DLG2: variants seen among roughly 807,000 people sequenced by gnomAD.
DLG2 encodes discs large MAGUK scaffold protein 2, also known as disks large homolog 2.
Under a neutral mutation model 132.5 loss-of-function variants are expected in DLG2, and 45 were observed. That is an observed-to-expected ratio of 0.34 (90% CI 0.27 to 0.44). The LOEUF (loss-of-function observed/expected upper bound fraction) is 0.44. Among genes scored for constraint, DLG2 ranks in the 20% least tolerant of loss-of-function variants. DLG2 has a pLI of 1.00. For synonymous variants in DLG2, 424 were observed against 419.6 expected (o/e 1.01, Z -0.13); for missense variants, 1,045 against 1,196.9 (o/e 0.87, Z 1.87).
chr11:83,667,337 C>A (rs960572506), intron 18 of DLG2, among the ~76,000 whole-genome samples: 1 of 152,192 alleles, frequency 6.6e-6, no homozygotes, highest in Admixed American at 6.5e-5. Context: ...AAGGATATGA[C>A]ATTCAGATTG....
intron 3 of DLG2, among the ~76,000 whole-genome samples, chr11:85,461,112 A>G (rs2092595797): frequency 6.6e-6 from 1 of 152,220 alleles, no homozygotes; most frequent in African/African-American, 2.4e-5. Context: ...CTGGACTTGG[A>G]TTCCTACGGA....
chr11:84,516,765 A>C (rs1309200414), intron 7 of DLG2, among the ~76,000 whole-genome samples: 3 of 151,336 alleles, frequency 2.0e-5, no homozygotes, highest in Non-Finnish European at 4.4e-5. Flanking sequence ...ATATAAAAAA[A>C]AGAAAAAAAG....
intron 6 of DLG2, among the ~76,000 whole-genome samples, chr11:84,771,491 C>T (rs996392619): frequency 4.6e-5 from 7 of 152,126 alleles, no homozygotes; most frequent in African/African-American, 1.7e-4. Context: ...GTTTAAGTTC[C>T]TTCCAGATGC....
intron 7 of DLG2, among the ~76,000 whole-genome samples, chr11:84,458,025 G>T (rs914271944): frequency 6.6e-6 from 1 of 150,706 alleles, no homozygotes; most frequent in Non-Finnish European, 1.5e-5. Context: ...ATAGTAAATT[G>T]GTATATTGCT....
At chr11:84,545,488 C>A in intron 6 of DLG2, 1 of 410,964 alleles carries the variant, frequency 2.4e-6, no homozygotes, top group East Asian at 6.2e-5. Flanking sequence ...CCAAAGCATC[C>A]AGAACTACTT....
At chr11:85,024,498 A>C (rs1403385029) in intron 6 of DLG2, among the ~76,000 whole-genome samples, 1 of 152,202 alleles carries the variant, frequency 6.6e-6, no homozygotes, top group Non-Finnish European at 1.5e-5. Context: ...GCATAAATGC[A>C]GGCCCCCAAA....
At chr11:85,351,549 G>T (rs1249379001) in intron 3 of DLG2, among the ~76,000 whole-genome samples, 1 of 152,156 alleles carries the variant, frequency 6.6e-6, no homozygotes, top group Non-Finnish European at 1.5e-5. Context: ...CTGTGGGTTT[G>T]TCATAAATAG....
At chr11:85,332,201 T>G (rs2081806264) in intron 3 of DLG2, among the ~76,000 whole-genome samples, 1 of 152,220 alleles carries the variant, frequency 6.6e-6, no homozygotes, top group Admixed American at 6.5e-5. Flanking sequence ...TTGAAATGAG[T>G]TTCTATCATG....
At chr11:84,030,752 A>C (rs1277516840) in intron 11 of DLG2, among the ~76,000 whole-genome samples, 1 of 152,138 alleles carries the variant, frequency 6.6e-6, no homozygotes. Flanking sequence ...CTTCTACCTG[A>C]AAACAGAAGG....
intron 7 of DLG2, among the ~76,000 whole-genome samples, chr11:84,307,167 A>G (rs1286083065): frequency 1.3e-5 from 2 of 152,244 alleles, no homozygotes; most frequent in African/African-American, 4.8e-5. Context: ...CTATGCAGCC[A>G]TAAAACAGAA....
At chr11:84,770,308 T>C (rs2153887192) in intron 6 of DLG2, among the ~76,000 whole-genome samples, 1 of 152,316 alleles carries the variant, frequency 6.6e-6, no homozygotes, top group African/African-American at 2.4e-5. Context: ...AAAATCCTTC[T>C]TTTAAAACTT....
chr11:85,375,737 A>C (rs941884488), intron 3 of DLG2, among the ~76,000 whole-genome samples: 2 of 152,218 alleles, frequency 1.3e-5, no homozygotes, highest in Non-Finnish European at 2.9e-5. Context: ...AGGACAACAT[A>C]ACTCACATGG....
intron 12 of DLG2, among the ~76,000 whole-genome samples, chr11:83,967,152 C>T (rs1009383542): frequency 2.6e-5 from 4 of 152,030 alleles, no homozygotes; most frequent in Middle Eastern, 3.2e-3. Context: ...GCATGAAGGT[C>T]GTTGCCATAT....
chr11:84,724,836 T>A (rs533211885), intron 6 of DLG2, among the ~76,000 whole-genome samples: 1 of 152,280 alleles, frequency 6.6e-6, no homozygotes, highest in East Asian at 1.9e-4. Context: ...CTAGCCCATG[T>A]TGTCCATTGG....
intron 7 of DLG2, among the ~76,000 whole-genome samples, chr11:84,311,532 A>G (rs1280400143): frequency 6.6e-6 from 1 of 152,230 alleles, no homozygotes; most frequent in Non-Finnish European, 1.5e-5. Flanking sequence ...AAACATTTCC[A>G]AAGTGCTTCC....
chr11:84,617,427 C>T (rs1359199296), intron 6 of DLG2, among the ~76,000 whole-genome samples: 1 of 152,032 alleles, frequency 6.6e-6, no homozygotes, highest in Non-Finnish European at 1.5e-5. Flanking sequence ...CTATTATAAA[C>T]AGTGCCAGAA....
chr11:84,884,962 T>C (rs1453328335), intron 6 of DLG2, among the ~76,000 whole-genome samples: 4 of 152,114 alleles, frequency 2.6e-5, no homozygotes, highest in African/African-American at 9.7e-5. Context: ...TAGCTGCCCA[T>C]TAGCCATTAA....
intron 19 of DLG2, among the ~76,000 whole-genome samples, chr11:83,628,694 CT>C (rs2063044588): frequency 6.6e-6 from 1 of 152,162 alleles, no homozygotes; most frequent in South Asian, 2.1e-4. Flanking sequence ...GCCTTCCAAG[CT>C]GGCTACAACA....
chr11:84,760,342 C>T (rs1250818322), intron 6 of DLG2, among the ~76,000 whole-genome samples: 1 of 152,180 alleles, frequency 6.6e-6, no homozygotes, highest in African/African-American at 2.4e-5. Flanking sequence ...GCTAGGCTGT[C>T]TGCCCTTTCA....
Sources: gnomAD v4.1 joint callset for allele counts (sites outside exome capture counted in the v4.1 genomes callset) on GRCh38, gnomAD v4.1.1 for gene constraint, MANE v1.5 for transcripts, NCBI Gene and HGNC (gene_info 2026-07-23, HGNC 2026-07-21) for gene names.